METTL4: variants seen among roughly 807,000 people sequenced by gnomAD.
METTL4 encodes the protein N(6)-adenine-specific methyltransferase METTL4.
Under a neutral mutation model 54.0 loss-of-function variants are expected in METTL4, and 40 were observed. That is an observed-to-expected ratio of 0.74 (90% confidence interval 0.58 to 0.96). METTL4 has a LOEUF of 0.96. METTL4 is among the 50% of genes least tolerant of loss of function. The pLI is 0.00. For synonymous variants in METTL4, 169 were observed against 183.8 expected (o/e 0.92, Z 0.65); for missense variants, 525 against 549.0 (o/e 0.96, Z 0.44).
intron 3 of METTL4, among the ~76,000 whole-genome samples, chr18:2,563,101 C>G (rs1353782945): frequency 6.6e-6 from 1 of 152,108 alleles, no homozygotes; most frequent in East Asian, 1.9e-4. Flanking sequence ...TTCTTTAACT[C>G]TCTGATCTCA....
intron 5 of METTL4, among the ~76,000 whole-genome samples, chr18:2,550,829 T>C (rs1343015253): frequency 6.6e-6 from 1 of 152,218 alleles, no homozygotes; most frequent in Non-Finnish European, 1.5e-5. Context: ...ACAATCAGTG[T>C]AGCCTGAATA....
In METTL4 at chr18:2,555,031, T is replaced by C; in HGVS notation, c.467A>G (p.Glu156Gly). ...DAMEYHTKIR[E>G]LILDGSLQLI... is the part of the protein sequence containing the mutation. ...CTGTAAAGATCCATCCAAAATCAGC[T>C]CCCTGATCTGTAAGAGAATTTTAAG... Residue 156 changes from glutamate to glycine, a missense_variant, in exon 4 of 9, where the codon GAG becomes GGG. Glu to Gly is a moderately conservative substitution (Grantham distance 98, BLOSUM62 -2). Coordinates refer to ENST00000574538, the MANE Select transcript of METTL4 (RefSeq NM_022840.5). 1.2e-6 allele frequency: 2 copies of C among 1,610,990 alleles called. No homozygotes were observed. The highest frequency in any genetic ancestry group is 1.7e-6 in the Non-Finnish European group (2 of 1,179,330).
Position 2,550,353 on chromosome 18 carries a change from A to C in METTL4, c.899+2342T>G, listed in dbSNP as rs934665090. Among the ~76,000 whole-genome samples, 4 of 152,212 alleles carry C rather than the reference A, an allele frequency of 2.6e-5. No homozygotes were observed. In the East Asian group the frequency reaches 7.7e-4, roughly 29 times the overall value. ...TGCAATGGAAAGTATGCAAAAAAAC[A>C]GAAAGAAAATGGTGAGAATGTGGAA... On this transcript the variant is annotated intron_variant, in intron 5 of 8. Transcript: ENST00000574538.
intron 5 of METTL4, among the ~76,000 whole-genome samples, chr18:2,549,779 T>G (rs1415772122): frequency 7.0e-6 from 1 of 142,236 alleles, no homozygotes; most frequent in African/African-American, 2.7e-5. Context: ...GACAGAAGTT[T>G]GAGACTAGCC....
intron 4 of METTL4, 139 bp from the exon 5 acceptor site, chr18:2,552,903 T>A: frequency 1.7e-6 from 1 of 587,142 alleles, no homozygotes; most frequent in Non-Finnish European, 3.0e-6. Flanking sequence ...GTATATAGCA[T>A]TTATTCAAAC....
At chr18:2,555,293 T>C (rs558954943) in intron 3 of METTL4, 5 of 438,622 alleles carry the variant, frequency 1.1e-5, no homozygotes, top group Admixed American at 4.2e-5. Flanking sequence ...TCCTCAAACA[T>C]GTATAAGGTA....
chr18:2,559,635 TATC>T (rs1245235494), intron 3 of METTL4, among the ~76,000 whole-genome samples: 5 of 152,360 alleles, frequency 3.3e-5, no homozygotes, highest in African/African-American at 9.6e-5. Flanking sequence ...ATGAAAAAGT[TATC>T]ATCACCACAG....
intron 1 of METTL4, among the ~76,000 whole-genome samples, chr18:2,570,128 GA>G (rs2072481404): frequency 6.6e-6 from 1 of 152,142 alleles, no homozygotes; most frequent in Non-Finnish European, 1.5e-5. Flanking sequence ...CTTAAAAATT[GA>G]AGTTTTAAAC....
rs1942087117 is a variant in METTL4, at chr18:2,537,956, A to G, written c.*1044T>C. 1 of 398,406 alleles carries G rather than the reference A, an allele frequency of 2.5e-6. No homozygotes were observed. Among genetic ancestry groups the G allele is most frequent in the South Asian group, 1.3e-4 (1 of 7,860 alleles). 24.7% of individuals were successfully genotyped at this position (398,406 alleles called of 1,614,324 possible). ...AGGAAAAATGAGAAGTTTTCAGGGT[A>G]AAGAAAGTGTTCTGTATCATGATCA... On this transcript the variant is annotated 3_prime_UTR_variant, in exon 9 of 9. Coordinates refer to ENST00000574538, the MANE Select transcript of METTL4 (RefSeq NM_022840.5).
chr18:2,541,177 A>C (rs2071988335), intron 8 of METTL4, among the ~76,000 whole-genome samples: 1 of 152,256 alleles, frequency 6.6e-6, no homozygotes, highest in Non-Finnish European at 1.5e-5. Context: ...ATTTCAAAAT[A>C]AGGGAGAAGA....
At chr18:2,563,549 C>G (rs920980887) in intron 3 of METTL4, among the ~76,000 whole-genome samples, 1 of 135,080 alleles carries the variant, frequency 7.4e-6, no homozygotes, top group Non-Finnish European at 1.5e-5. Flanking sequence ...GAGCTGAGAT[C>G]ACACCACTAC....
chr18:2,542,953 C>A (rs1017455619), intron 8 of METTL4, among the ~76,000 whole-genome samples: 7 of 151,978 alleles, frequency 4.6e-5, no homozygotes, highest in Non-Finnish European at 8.8e-5. Context: ...CATGGCGAAA[C>A]CCCGTCTCTA....
At chr18:2,565,107 G>A (rs1417699837) in intron 2 of METTL4, among the ~76,000 whole-genome samples, 7 of 152,116 alleles carry the variant, frequency 4.6e-5, no homozygotes, top group Non-Finnish European at 1.0e-4. Context: ...GGCCAACAAG[G>A]TGTCTACTAA....
At chr18:2,565,764 C>T (rs2072400669) in intron 2 of METTL4, among the ~76,000 whole-genome samples, 1 of 152,014 alleles carries the variant, frequency 6.6e-6, no homozygotes, top group Non-Finnish European at 1.5e-5. Flanking sequence ...GAATGTTAAT[C>T]CTATCACTAA....
At chr18:2,548,782 A>G (rs2072109421) in intron 5 of METTL4, among the ~76,000 whole-genome samples, 1 of 152,146 alleles carries the variant, frequency 6.6e-6, no homozygotes, top group Admixed American at 6.5e-5. Context: ...TGGACCGCCA[A>G]TCGTTTCATT....
intron 5 of METTL4, among the ~76,000 whole-genome samples, chr18:2,551,163 C>CAAAAAAAAA (rs752257490): frequency 2.0e-5 from 1 of 49,286 alleles, no homozygotes; most frequent in African/African-American, 7.3e-5. Context: ...GACTCCGTCT[C>CAAAAAAAAA]AAAAAAAAAA....
At chr18:2,540,446 A>G (rs1204610928) in intron 8 of METTL4, 2 of 983,542 alleles carry the variant, frequency 2.0e-6, no homozygotes, top group South Asian at 4.7e-5. Context: ...AATATATCAA[A>G]TATTTTAGGT....
chr18:2,544,593 C>A, intron 7 of METTL4, 60 bp downstream of exon 7: 1 of 1,088,208 alleles, frequency 9.2e-7, no homozygotes, highest in Admixed American at 2.2e-5. Context: ...GATTACTAAT[C>A]ATTTTTAAAA....
intron 3 of METTL4, among the ~76,000 whole-genome samples, chr18:2,562,699 A>T (rs1242851820): frequency 6.6e-6 from 1 of 152,180 alleles, no homozygotes; most frequent in African/African-American, 2.4e-5. Flanking sequence ...GATTCCACTT[A>T]TATGAAATAT....
Sources: allele counts gnomAD v4.1 joint callset (sites outside exome capture counted in the v4.1 genomes callset), GRCh38; gene constraint gnomAD v4.1.1; transcripts MANE v1.5; gene names NCBI Gene and HGNC (gene_info 2026-07-23, HGNC 2026-07-21).